Variants in PIGH observed in about 807,000 individuals in gnomAD.
PIGH encodes the protein phosphatidylinositol N-acetylglucosaminyltransferase subunit H.
In PIGH, 11 loss-of-function variants were observed where a neutral mutation model predicts 20.1. That is an observed-to-expected ratio of 0.55 (90% CI 0.34 to 0.91). The LOEUF (loss-of-function observed/expected upper bound fraction) is 0.91. Among genes scored for constraint, PIGH ranks in the 40% least tolerant of loss-of-function variants. The pLI is 0.02. For missense variants in PIGH, 189 were observed against 233.6 expected, an observed-to-expected ratio of 0.81 and a Z score of 1.24; for synonymous variants, 72 against 93.1, an observed-to-expected ratio of 0.77 and a Z score of 1.31.
rs938943873 is a variant in PIGH at position 67,595,160 on chromosome 14, A to T, written c.181-1208T>A. ...TAAAAAAAATAAAAATAAAAAAAATAAAAAAGAACACTTACATTAGCCTAC... is the reference window on the plus strand; with the variant it reads ...TAAAAAAAATAAAAATAAAAAAAATTAAAAAGAACACTTACATTAGCCTAC... On this transcript the variant is annotated intron_variant, in intron 1 of 3. Coordinates refer to ENST00000216452, the MANE Select transcript of PIGH (RefSeq NM_004569.5). Among the ~76,000 whole-genome samples the T allele has an allele frequency of 2.6e-5, 4 of 152,188 alleles. No individual in the cohort carries two copies. In the South Asian group the frequency reaches 6.2e-4, roughly 24 times the overall value.
intron 2 of PIGH, among the ~76,000 whole-genome samples, chr14:67,593,056 G>A (rs2036405674): frequency 6.6e-6 from 1 of 152,210 alleles, no homozygotes. Context: ...CAAAGTGCTG[G>A]GATTACAGGC....
chr14:67,596,566 G>C (rs2036479118), intron 1 of PIGH, among the ~76,000 whole-genome samples: 1 of 152,120 alleles, frequency 6.6e-6, no homozygotes, highest in African/African-American at 2.4e-5. Flanking sequence ...GCACTGACAA[G>C]ATGCCCTCCT....
At chr14:67,594,449 C>G (rs1566778394) in intron 1 of PIGH, among the ~76,000 whole-genome samples, 1 of 152,122 alleles carries the variant, frequency 6.6e-6, no homozygotes, top group East Asian at 1.9e-4. Flanking sequence ...GAGATCGAGA[C>G]CATCCTGGCC....
At chr14:67,599,317 T>A (rs1410683363) in intron 1 of PIGH, among the ~76,000 whole-genome samples, 3 of 152,216 alleles carry the variant, frequency 2.0e-5, no homozygotes, top group Admixed American at 1.3e-4. Context: ...CATTTAACCC[T>A]CACAATATCA....
intron 1 of PIGH, among the ~76,000 whole-genome samples, 162 bp downstream of exon 1, chr14:67,599,862 C>T (rs1262801470): frequency 6.6e-6 from 1 of 152,188 alleles, no homozygotes; most frequent in Non-Finnish European, 1.5e-5. Context: ...AAGAGCTGTC[C>T]AGCAGCGGAA....
Position 67,589,588 on chromosome 14 carries a change from A to G in PIGH, c.*492T>C. 1.0e-6 allele frequency: 1 copy of G among 985,824 alleles called. No individual in the cohort carries two copies. The highest frequency in any genetic ancestry group is 5.2e-4 in the Middle Eastern group (1 of 1,920). 61.1% of individuals were successfully genotyped at this position (985,824 alleles called of 1,614,324 possible). On this transcript the variant is annotated 3_prime_UTR_variant, in exon 4 of 4. Transcript: ENST00000216452. ...TTAACAGTAAATAAATAAGCCCTGT[A>G]CAGAACACAGGCACTAGGTTGACAG...
Position 67,593,735 on chromosome 14 carries a change from A to G in PIGH, c.390+8T>C. 4 of 1,573,548 alleles carry G rather than the reference A, an allele frequency of 2.5e-6. No homozygotes were observed. Among genetic ancestry groups the G allele is most frequent in the Non-Finnish European group, 3.5e-6 (4 of 1,143,246 alleles). On this transcript the variant is annotated splice_region_variant and intron_variant, in intron 2 of 3. Transcript: ENST00000216452. The stretch of plus-strand genomic sequence containing the variant: ...GAGGCCTGTAATACTTACCTTTTAA[A>G]TACTTACCATGTAAATGGCCTCATT...
chr14:67,593,502 AAG>A, intron 2 of PIGH: 1 of 483,124 alleles, frequency 2.1e-6, no homozygotes. Flanking sequence ...AAAAAAAAAA[AAG>A]AAAAAAGATA....
In PIGH at chr14:67,590,135, T is replaced by C. The variant is rs770790992; in HGVS notation, c.512A>G (p.Tyr171Cys). The C allele has an allele frequency of 5.8e-6, 9 of 1,551,086 alleles. No individual in the cohort carries two copies. In the East Asian group the frequency reaches 2.0e-4, roughly 34 times the overall value. The part of the protein sequence containing the change: ...KPRLDCLIEV[Y>C]RSCQEILAHQ... ...TGCCAGGATCTCCTGGCAGCTCCTG[T>C]ATACTTCAATCAAGCAGTCCAGCCG... Residue 171 changes from tyrosine to cysteine, a missense_variant, in exon 4 of 4, where the codon TAC becomes TGC. Physicochemically the swap from Tyr to Cys is radical, Grantham distance 194. Coordinates refer to ENST00000216452, the MANE Select transcript of PIGH (RefSeq NM_004569.5).
rs377760146 is a variant in PIGH, at chr14:67,600,235, G to C, written c.-32C>G. The C allele has an allele frequency of 5.6e-5, 85 of 1,507,492 alleles. 1 individual carries two copies. In the South Asian group the frequency reaches 9.8e-4, roughly 17 times the overall value. The allele number at this position is 1,507,492 out of a possible 1,614,324, so 93.4% of individuals were successfully genotyped here. On this transcript the variant is annotated 5_prime_UTR_variant, in exon 1 of 4. Transcript: ENST00000216452. ...CCCACTCGGCCGCCCGCACCGCGCG[G>C]CGCTGCACTGCGCTCGCCGGCCCTG... is the stretch of plus-strand genomic sequence containing the variant.
At chr14:67,599,605 CGTAAA>C (rs770459297) in intron 1 of PIGH, among the ~76,000 whole-genome samples, 45 of 152,234 alleles carry the variant, frequency 3.0e-4, no homozygotes, top group Non-Finnish European at 5.6e-4. Context: ...TGGAAGTCTA[CGTAAA>C]GTATTGTTAG....
intron 1 of PIGH, among the ~76,000 whole-genome samples, chr14:67,595,682 A>G (rs995627252): frequency 6.6e-6 from 1 of 152,216 alleles, no homozygotes; most frequent in African/African-American, 2.4e-5. Context: ...TCCCTTCATC[A>G]TGAGGTTTAG....
chr14:67,597,065 T>C (rs1302821572), intron 1 of PIGH, among the ~76,000 whole-genome samples: 3 of 152,228 alleles, frequency 2.0e-5, no homozygotes, highest in Non-Finnish European at 4.4e-5. Context: ...TCTGGTTTTG[T>C]CTGGCCCATC....
intron 1 of PIGH, among the ~76,000 whole-genome samples, chr14:67,599,410 T>C (rs529067389): frequency 6.6e-6 from 1 of 152,160 alleles, no homozygotes; most frequent in African/African-American, 2.4e-5. Context: ...AATCTGGAAA[T>C]TGAGCACAGC....
At chr14:67,593,655 T>A (rs2036417756) in intron 2 of PIGH, 88 bp downstream of exon 2, 3 of 737,580 alleles carry the variant, frequency 4.1e-6, no homozygotes, top group South Asian at 1.6e-5. Flanking sequence ...AGTCTCACTT[T>A]TACGGTTTTA....
chr14:67,589,454 A>T lies in PIGH; in HGVS notation c.*626T>A, dbSNP rs578011165. On this transcript the variant is annotated 3_prime_UTR_variant, in exon 4 of 4. Transcript: ENST00000216452. ...TATAAAAAAAAATGCTGAGTAACAG[A>T]AAAGTATTAATGTGCTTGACACCAT... 1.0e-6 allele frequency: 1 copy of T among 985,398 alleles called. No homozygotes were observed. The highest frequency in any genetic ancestry group is 1.7e-5 in the African/African-American group (1 of 57,384). The allele number at this position is 985,398 out of a possible 1,614,324, so 61.0% of individuals were successfully genotyped here. A position where few individuals can be genotyped will look rare whatever the true frequency, so the allele number is the denominator to read the frequency against.
chr14:67,592,771 C>CT (rs953678649), intron 2 of PIGH, 53 bp from the exon 3 acceptor site: 20 of 1,065,264 alleles, frequency 1.9e-5, no homozygotes, highest in Non-Finnish European at 2.7e-5. Context: ...ATTTTGCATT[C>CT]TTTTTTTCTT....
In PIGH at chr14:67,597,525, C is replaced by G. The variant is rs1332399056; in HGVS notation, c.180+2499G>C. Reference sequence around the variant, plus strand: ...TCAAAAAAAAAAAAAGTTTGCTTATCTCTGTGCTAGATAATTATTTGTTGA... The same window carrying G: ...TCAAAAAAAAAAAAAGTTTGCTTATGTCTGTGCTAGATAATTATTTGTTGA... On this transcript the variant is annotated intron_variant, in intron 1 of 3. Transcript: ENST00000216452. Among the ~76,000 whole-genome samples, 4 of 151,740 alleles carry G rather than the reference C, an allele frequency of 2.6e-5. No homozygotes were observed. The South Asian group carries it at 6.2e-4, about 24-fold the overall frequency.
Position 67,589,454 on chromosome 14 carries a change from A to G in PIGH, c.*626T>C, listed in dbSNP as rs578011165. The G allele has an allele frequency of 5.3e-5, 52 of 985,398 alleles. No homozygotes were observed. Among genetic ancestry groups the G allele is most frequent in the Non-Finnish European group, 6.0e-5 (50 of 829,866 alleles). 61.0% of individuals were successfully genotyped at this position (985,398 alleles called of 1,614,324 possible). A position where few individuals can be genotyped will look rare whatever the true frequency, so the allele number is the denominator to read the frequency against. ...TATAAAAAAAAATGCTGAGTAACAGAAAAGTATTAATGTGCTTGACACCAT... is the reference window on the plus strand; with the variant it reads ...TATAAAAAAAAATGCTGAGTAACAGGAAAGTATTAATGTGCTTGACACCAT... On this transcript the variant is annotated 3_prime_UTR_variant, in exon 4 of 4. Transcript: ENST00000216452.
Sources: allele counts gnomAD v4.1 joint callset (sites outside exome capture counted in the v4.1 genomes callset), GRCh38; gene constraint gnomAD v4.1.1; transcripts MANE v1.5; gene names NCBI Gene and HGNC (gene_info 2026-07-23, HGNC 2026-07-21).